The following CCDC157 variants were observed in gnomAD, a reference collection of about 807,000 sequenced individuals.
The protein encoded by CCDC157 is coiled-coil domain containing 157.
A neutral mutation model predicts 70.9 loss-of-function variants in CCDC157; 60 were observed. The observed-to-expected ratio is 0.85, with a 90% CI of 0.69 to 1.05. CCDC157 has a LOEUF of 1.05. CCDC157 is among the 50% of genes least tolerant of loss of function. The probability of loss-of-function intolerance (pLI) is 0.00; values close to 1 mark genes in which losing one functional copy is unlikely to be tolerated. For synonymous variants in CCDC157, 373 were observed against 422.4 expected, an observed-to-expected ratio of 0.88 and a Z score of 1.43; for missense variants, 943 against 984.2, an observed-to-expected ratio of 0.96 and a Z score of 0.56.
chr22:30,370,938 C>G lies in CCDC157; in HGVS notation c.1033C>G (p.Gln345Glu). 6.2e-7 allele frequency: 1 copy of G among 1,608,308 alleles called. No homozygotes were observed. Residue 345 changes from glutamine to glutamate, a missense_variant, in exon 5 of 12, where the codon CAG (glutamine) becomes GAG (glutamate). Gln to Glu is a conservative substitution (Grantham distance 29). Coordinates refer to ENST00000338306, the MANE Select transcript of CCDC157 (RefSeq NM_001017437.5). Reference sequence around the variant, plus strand: ...GTCTGAGTGGGAGCACGACAAACAGCAGCTGCTCACAGGTCTGTGCCCCAG... The same window carrying G: ...GTCTGAGTGGGAGCACGACAAACAGGAGCTGCTCACAGGTCTGTGCCCCAG... ...CLSEWEHDKQ[Q>E]LLTETSDLKT...
chr22:30,369,506 A>C lies in CCDC157; in HGVS notation c.323A>C (p.Gln108Pro), dbSNP rs1202660352. 1 of 1,605,656 alleles carries C rather than the reference A, an allele frequency of 6.2e-7. No individual in the cohort carries two copies. The highest frequency in any genetic ancestry group is 8.5e-7 in the Non-Finnish European group (1 of 1,175,394). Reference protein sequence around the residue: ...LGSEQMMPPAQAAGPCMSVGL... With the variant: ...LGSEQMMPPAPAAGPCMSVGL... Reference sequence around the variant, plus strand: ...TCAGAGCAGATGATGCCCCCTGCACAGGCTGCGGGGCCCTGCATGTCCGTG... The same window carrying C: ...TCAGAGCAGATGATGCCCCCTGCACCGGCTGCGGGGCCCTGCATGTCCGTG... The change falls in exon 4 of 12, where the codon CAG becomes CCG. Residue 108 changes from glutamine (Q) to proline (P), a missense_variant. By Grantham distance (76) the Gln-to-Pro change is moderately conservative (BLOSUM62 -1). Coordinates refer to ENST00000338306, the MANE Select transcript of CCDC157 (RefSeq NM_001017437.5).
chr22:30,358,729 G>A (rs1283383630), intron 1 of CCDC157, among the ~76,000 whole-genome samples: 2 of 152,210 alleles, frequency 1.3e-5, no homozygotes, highest in African/African-American at 4.8e-5. Flanking sequence ...CCAGGAAATT[G>A]AGGAGAGGCA....
chr22:30,376,199 G>C, intron 10 of CCDC157, 60 bp from the exon 11 acceptor site: 6 of 1,488,356 alleles, frequency 4.0e-6, no homozygotes, highest in Non-Finnish European at 5.6e-6. Context: ...CACCCTCTCT[G>C]TACAGTGGGG....
chr22:30,373,852 GA>G (rs1249193392), intron 8 of CCDC157, 70 bp from the exon 9 acceptor site: 2 of 1,544,154 alleles, frequency 1.3e-6, no homozygotes, highest in African/African-American at 2.7e-5. Context: ...CTTGGGTAGG[GA>G]CGGTGCCCCA....
At position 30,369,508 on chromosome 22, in the gene CCDC157, G is replaced by C; in HGVS notation, c.325G>C (p.Ala109Pro). 6.2e-7 allele frequency: 1 copy of C among 1,606,492 alleles called. No individual in the cohort carries two copies. Among genetic ancestry groups the C allele is most frequent in the Non-Finnish European group, 8.5e-7 (1 of 1,175,848 alleles). Reference sequence around the variant, plus strand: ...AGAGCAGATGATGCCCCCTGCACAGGCTGCGGGGCCCTGCATGTCCGTGGG... The same window carrying C: ...AGAGCAGATGATGCCCCCTGCACAGCCTGCGGGGCCCTGCATGTCCGTGGG... ...GSEQMMPPAQAAGPCMSVGLT... is the reference protein window; with the variant it reads ...GSEQMMPPAQPAGPCMSVGLT... Residue 109 changes from alanine (A) to proline (P), a missense_variant, in exon 4 of 12, where the codon GCT becomes CCT. Transcript: ENST00000338306.
chr22:30,373,252 G>A (rs1391775823), intron 7 of CCDC157: 7 of 260,444 alleles, frequency 2.7e-5, no homozygotes, highest in South Asian at 1.6e-4. Context: ...CTGGAGACCC[G>A]AGGAGAAGAA....
At chr22:30,361,625 C>A (rs1932357903) in intron 1 of CCDC157, among the ~76,000 whole-genome samples, 1 of 152,192 alleles carries the variant, frequency 6.6e-6, no homozygotes, top group South Asian at 2.1e-4. Flanking sequence ...TTGGACACTG[C>A]TGCTCTAGAA....
In CCDC157 at chr22:30,376,698, C is replaced by T. The variant is rs150705487; in HGVS notation, c.2212C>T (p.Arg738Trp). The T allele has an allele frequency of 1.9e-5, 31 of 1,613,334 alleles. No individual in the cohort carries two copies. The African/African-American group carries it at 3.1e-4, about 16-fold the overall frequency. The change falls in exon 12 of 12, where the codon CGG becomes TGG. Residue 738 changes from arginine (R) to tryptophan (W), a missense_variant. By Grantham distance (101) the Arg-to-Trp change is moderately radical (BLOSUM62 -3). Transcript: ENST00000338306. ...VRLRKRLSPG[R>W]GQASSAHQPQ... ...GCTGAGAAAGAGACTGTCACCTGGC[C>T]GGGGACAGGCCAGCTCTGCACACCA...
chr22:30,376,368 G>C (rs1274536549), intron 11 of CCDC157, 21 bp downstream of exon 11: 3 of 1,613,794 alleles, frequency 1.9e-6, no homozygotes, highest in Non-Finnish European at 2.5e-6. Flanking sequence ...CTTTACTGGA[G>C]GTGGGGCAGG....
intron 9 of CCDC157, chr22:30,374,954 CTTTTTTTT>C (rs10611353): frequency 5.5e-3 from 1,311 of 239,672 alleles, no homozygotes; most frequent in Middle Eastern, 8.5e-3. Context: ...TTTGCTAAGT[CTTTTTTTT>C]TTTTTTTTTT....
intron 7 of CCDC157, 152 bp downstream of exon 7, chr22:30,372,438 T>G: frequency 8.9e-7 from 1 of 1,127,582 alleles, no homozygotes; most frequent in Non-Finnish European, 1.2e-6. Context: ...TTACAGAGAG[T>G]CTACCCTGAA....
rs775533622 is a variant in CCDC157, at chr22:30,373,983, C to G, written c.1564C>G (p.Arg522Gly). ...QGLEQATTDL[R>G]LTILELEREL... The stretch of plus-strand genomic sequence containing the variant: ...CCTGGAGCAGGCGACTACGGACCTG[C>G]GGCTAACCATCCTGGAGCTAGAACG... The change falls in exon 9 of 12, where the codon CGG (arginine) becomes GGG (glycine). Residue 522 changes from arginine (R) to glycine (G), a missense_variant. Arg to Gly is a moderately radical substitution (Grantham distance 125). Transcript: ENST00000338306. 4 of 1,612,850 alleles carry G rather than the reference C, an allele frequency of 2.5e-6. No individual in the cohort carries two copies. The South Asian group carries it at 4.4e-5, about 18-fold the overall frequency.
chr22:30,371,107 G>T, intron 5 of CCDC157, 157 bp downstream of exon 5: 1 of 888,174 alleles, frequency 1.1e-6, no homozygotes, highest in Non-Finnish European at 1.7e-6. Flanking sequence ...CAGCAAGGAA[G>T]GGGGTGTTCA....
chr22:30,367,322 A>G (rs71331236), intron 3 of CCDC157, among the ~76,000 whole-genome samples: 6 of 148,752 alleles, frequency 4.0e-5, no homozygotes. Flanking sequence ...TGCAACCTCC[A>G]CCTCCTGGGT....
At position 30,376,720 on chromosome 22, in the gene CCDC157, A is replaced by T. The variant is rs1233427619; in HGVS notation, c.2234A>T (p.His745Leu). The change falls in exon 12 of 12, where the codon CAC becomes CTC. Residue 745 changes from histidine to leucine, a missense_variant. Transcript: ENST00000338306. ...GGCCGGGGACAGGCCAGCTCTGCAC[A>T]CCAGCCCCAGGAGCGGCCCATGTAG... is the stretch of plus-strand genomic sequence containing the variant. ...SPGRGQASSA[H>L]QPQERPM 1.2e-6 allele frequency: 2 copies of T among 1,612,718 alleles called. No homozygotes were observed. The highest frequency in any genetic ancestry group is 3.3e-5 in the Admixed American group (2 of 60,006).
chr22:30,366,378 G>A (rs977217885), intron 3 of CCDC157, 130 bp downstream of exon 3: 1 of 1,114,738 alleles, frequency 9.0e-7, no homozygotes, highest in East Asian at 2.5e-5. Context: ...GTACCTGTCG[G>A]GGCCACATCA....
Position 30,370,419 on chromosome 22 carries a change from A to G in CCDC157, c.514A>G (p.Lys172Glu), listed in dbSNP as rs781075736. Reference protein sequence around the residue: ...SPEYLTTKLIKPSSPVLGLPQ... With the variant: ...SPEYLTTKLIEPSSPVLGLPQ... ...TGAATATCTGACTACCAAGTTAATC[A>G]AGCCCTCCTCCCCAGTGCTAGGCTT... Residue 172 changes from lysine (K) to glutamate (E), a missense_variant, in exon 5 of 12, where the codon AAG becomes GAG. Transcript: ENST00000338306. 7 of 1,614,000 alleles carry G rather than the reference A, an allele frequency of 4.3e-6. No homozygotes were observed. In the South Asian group the frequency reaches 6.6e-5, roughly 15 times the overall value.
chr22:30,362,517 G>GC, intron 2 of CCDC157, among the ~76,000 whole-genome samples: 1 of 152,322 alleles, frequency 6.6e-6, no homozygotes, highest in African/African-American at 2.4e-5. Flanking sequence ...CAGGGCAGGA[G>GC]CCCCAGGAAG....
Position 30,377,420 on chromosome 22 carries a change from G to C in CCDC157, c.*675G>C, listed in dbSNP as rs1207497027. 6.5e-6 allele frequency: 1 copy of C among 154,732 alleles called. No individual in the cohort carries two copies. The highest frequency in any genetic ancestry group is 1.4e-5 in the Non-Finnish European group (1 of 69,630). The allele number at this position is 154,732 out of a possible 1,614,324, so 9.6% of individuals were successfully genotyped here. ...CTGGCTTTCCCATCCCTGTCCCTTGGGGGTCTCTTCAGCCCAGGGTGCCAT... is the reference window on the plus strand; with the variant it reads ...CTGGCTTTCCCATCCCTGTCCCTTGCGGGTCTCTTCAGCCCAGGGTGCCAT... On this transcript the variant is annotated 3_prime_UTR_variant, in exon 12 of 12. Transcript: ENST00000338306.
Sources: allele counts gnomAD v4.1 joint callset (sites outside exome capture counted in the v4.1 genomes callset), GRCh38; gene constraint gnomAD v4.1.1; transcripts MANE v1.5; gene names NCBI Gene and HGNC (gene_info 2026-07-23, HGNC 2026-07-21).